Variants in NBEA observed in about 807,000 individuals in gnomAD.
The protein encoded by NBEA is neurobeachin.
A neutral mutation model predicts 343.4 loss-of-function variants in NBEA; 44 were observed. That is an observed-to-expected ratio of 0.13 (90% CI 0.10 to 0.16). The LOEUF is 0.16. Ranked by LOEUF, NBEA falls within the 10% of genes least tolerant of loss-of-function variation. The pLI is 1.00. For missense variants in NBEA, 2,555 were observed against 3,631.3 expected (o/e 0.70, Z 7.62); for synonymous variants, 1,175 against 1,238.7 (o/e 0.95, Z 1.08).
chr13:34,947,063 AAAT>A (rs1457365883), intron 1 of NBEA, among the ~76,000 whole-genome samples: 2 of 152,008 alleles, frequency 1.3e-5, no homozygotes, highest in Non-Finnish European at 2.9e-5. Flanking sequence ...ATTTATATTA[AAAT>A]AATTTCCTGC....
intron 45 of NBEA, 72 bp downstream of exon 45, chr13:35,567,089 A>G (rs1026896305): frequency 4.0e-6 from 3 of 740,886 alleles, no homozygotes; most frequent in Non-Finnish European, 4.5e-6. Flanking sequence ...GTCAGAGTAT[A>G]TATAGCCAGT....
At chr13:34,994,794 A>C (rs1339730181) in intron 1 of NBEA, among the ~76,000 whole-genome samples, 3 of 152,236 alleles carry the variant, frequency 2.0e-5, no homozygotes, top group Non-Finnish European at 4.4e-5. Flanking sequence ...GATGGCTGGA[A>C]GTCCAAGTCA....
chr13:35,490,330 C>T (rs1419770157), intron 41 of NBEA, among the ~76,000 whole-genome samples: 1 of 151,696 alleles, frequency 6.6e-6, no homozygotes, highest in Non-Finnish European at 1.5e-5. Flanking sequence ...TAATATTTAC[C>T]ATATTCTAGA....
intron 16 of NBEA, among the ~76,000 whole-genome samples, chr13:35,122,085 A>G (rs2066833303): frequency 6.6e-6 from 1 of 152,220 alleles, no homozygotes; most frequent in Admixed American, 6.5e-5. Context: ...TATAATGAAT[A>G]TGGCCCTACT....
chr13:35,499,670 G>A (rs950871613), intron 41 of NBEA, among the ~76,000 whole-genome samples: 1 of 151,994 alleles, frequency 6.6e-6, no homozygotes, highest in Non-Finnish European at 1.5e-5. Flanking sequence ...ACCTGTCTGC[G>A]TATCATGCAC....
At chr13:34,948,641 G>A (rs1275450600) in intron 1 of NBEA, among the ~76,000 whole-genome samples, 1 of 152,138 alleles carries the variant, frequency 6.6e-6, no homozygotes, top group East Asian at 1.9e-4. Context: ...ACACATTGTA[G>A]GAAACAGACC....
At chr13:35,036,236 C>T (rs1053992888) in intron 1 of NBEA, among the ~76,000 whole-genome samples, 1 of 151,992 alleles carries the variant, frequency 6.6e-6, no homozygotes, top group Non-Finnish European at 1.5e-5. Flanking sequence ...AACCTGATAA[C>T]ATAACACTAT....
At chr13:35,310,324 A>C (rs1264795489) in intron 36 of NBEA, among the ~76,000 whole-genome samples, 1 of 152,164 alleles carries the variant, frequency 6.6e-6, no homozygotes, top group East Asian at 1.9e-4. Context: ...TTTAAACCGT[A>C]ATGGTTACAA....
intron 11 of NBEA, among the ~76,000 whole-genome samples, chr13:35,099,057 A>T (rs1415767086): frequency 2.3e-5 from 3 of 132,928 alleles, no homozygotes; most frequent in Admixed American, 8.2e-5. Context: ...ACAGTGTCTC[A>T]CTCTGTCTCC....
intron 30 of NBEA, among the ~76,000 whole-genome samples, chr13:35,194,775 G>A (rs2072462347): frequency 6.6e-6 from 1 of 151,950 alleles, no homozygotes; most frequent in East Asian, 1.9e-4. Context: ...TTTGTATGAT[G>A]AAATTTGATA....
intron 38 of NBEA, among the ~76,000 whole-genome samples, chr13:35,352,662 T>A (rs1289180239): frequency 6.6e-6 from 1 of 152,082 alleles, no homozygotes; most frequent in African/African-American, 2.4e-5. Context: ...AAAGAATCTT[T>A]TAGAGTCAAC....
At chr13:35,129,327 T>C (rs1172244469) in intron 17 of NBEA, among the ~76,000 whole-genome samples, 1 of 152,044 alleles carries the variant, frequency 6.6e-6, no homozygotes, top group Non-Finnish European at 1.5e-5. Context: ...CTATTAAATA[T>C]ATAGGTGTGC....
At chr13:35,622,507 A>G (rs114743976) in intron 48 of NBEA, among the ~76,000 whole-genome samples, 71 of 152,306 alleles carry the variant, frequency 4.7e-4, no homozygotes, top group African/African-American at 1.7e-3. Flanking sequence ...ATACATCCAG[A>G]AACAGTCAAG....
chr13:35,000,750 G>T (rs2061105203), intron 1 of NBEA, among the ~76,000 whole-genome samples: 1 of 151,908 alleles, frequency 6.6e-6, no homozygotes, highest in Non-Finnish European at 1.5e-5. Context: ...TATCTTTATA[G>T]ATAAATGCTT....
At chr13:35,583,413 A>T (rs2081146429) in intron 45 of NBEA, among the ~76,000 whole-genome samples, 1 of 152,184 alleles carries the variant, frequency 6.6e-6, no homozygotes, top group Non-Finnish European at 1.5e-5. Flanking sequence ...ACAGAATGAG[A>T]CTAACATTCT....
At chr13:35,178,978 C>T (rs946791157) in intron 28 of NBEA, among the ~76,000 whole-genome samples, 6 of 151,234 alleles carry the variant, frequency 4.0e-5, no homozygotes, top group Non-Finnish European at 8.9e-5. Context: ...ATATAACATA[C>T]CGGAGGAGTT....
chr13:34,943,154 C>A, intron 1 of NBEA, 40 bp downstream of exon 1: 1 of 1,605,282 alleles, frequency 6.2e-7, no homozygotes, highest in Non-Finnish European at 8.5e-7. Flanking sequence ...TCCCCAGTCC[C>A]CACATACACC....
At chr13:35,559,944 A>G (rs536254124) in intron 44 of NBEA, among the ~76,000 whole-genome samples, 158 of 152,164 alleles carry the variant, frequency 1.0e-3, no homozygotes, top group African/African-American at 3.7e-3. Context: ...AAAAAAAAAA[A>G]AAAAAGAAAC....
intron 1 of NBEA, among the ~76,000 whole-genome samples, chr13:34,958,000 A>G (rs1398729516): frequency 1.3e-5 from 2 of 152,070 alleles, no homozygotes; most frequent in African/African-American, 4.8e-5. Flanking sequence ...GTGTTCTTTA[A>G]GTGTAAAATA....
Sources: gnomAD v4.1 joint callset for allele counts (sites outside exome capture counted in the v4.1 genomes callset) on GRCh38, gnomAD v4.1.1 for gene constraint, MANE v1.5 for transcripts, NCBI Gene and HGNC (gene_info 2026-07-23, HGNC 2026-07-21) for gene names.